TENM4: variants seen among roughly 807,000 people sequenced by gnomAD.
TENM4 encodes the protein teneurin transmembrane protein 4.
Under a neutral mutation model 243.3 loss-of-function variants are expected in TENM4, and 82 were observed. The observed-to-expected ratio is 0.34, with a 90% confidence interval of 0.28 to 0.40. TENM4 has a LOEUF of 0.40. Among genes scored for constraint, TENM4 ranks in the 10% least tolerant of loss-of-function variants. TENM4 has a pLI of 1.00. For synonymous variants in TENM4, 1,412 were observed against 1,456.3 expected (o/e 0.97, Z 0.69); for missense variants, 3,138 against 3,673.3 (o/e 0.85, Z 3.77).
At chr11:79,265,070 C>T (rs1855860910) in intron 2 of TENM4, among the ~76,000 whole-genome samples, 1 of 152,148 alleles carries the variant, frequency 6.6e-6, no homozygotes, top group Non-Finnish European at 1.5e-5. Context: ...AGATACAGTA[C>T]AGGAAAAATC....
rs1241061950 is a variant in TENM4 at position 79,438,008 on chromosome 11, T to A, written c.-321+2501A>T. 1.3e-5 allele frequency among the ~76,000 whole-genome samples: 2 copies of A among 152,094 alleles called. No homozygotes were observed. The highest frequency in any genetic ancestry group is 4.8e-5 in the African/African-American group (2 of 41,408). On this transcript the variant is annotated intron_variant, in intron 1 of 33. Coordinates refer to ENST00000278550, the MANE Select transcript of TENM4 (RefSeq NM_001098816.3). This position sits in a 1 kb window ranked among gnomAD's most constrained non-coding sequence, Gnocchi z 4.1. ...CAGGAAATCCGAAGGGCCCCACAGG[T>A]CTGCGGGAGGGAGGATTTATTTTAC...
At chr11:78,805,574 T>C in intron 14 of TENM4, 82 bp from the exon 15 acceptor site, 1 of 1,481,950 alleles carries the variant, frequency 6.7e-7, no homozygotes, top group Non-Finnish European at 9.1e-7. Flanking sequence ...CTTAGCTTTG[T>C]GGCCAAGGGG....
At chr11:78,879,468 A>G (rs1316138553) in intron 9 of TENM4, among the ~76,000 whole-genome samples, 1 of 11,208 alleles carries the variant, frequency 8.9e-5, no homozygotes, top group African/African-American at 5.0e-4. Flanking sequence ...CGGCCGCCAC[A>G]CCGTCTGGGA....
At chr11:79,245,043 A>T (rs1855488357) in intron 2 of TENM4, among the ~76,000 whole-genome samples, 1 of 152,200 alleles carries the variant, frequency 6.6e-6, no homozygotes, top group Non-Finnish European at 1.5e-5. Flanking sequence ...ACAGCCCTTT[A>T]TCTTTGTCAC....
At chr11:79,106,169 A>G (rs1268705005) in intron 4 of TENM4, among the ~76,000 whole-genome samples, 2 of 152,238 alleles carry the variant, frequency 1.3e-5, no homozygotes, top group African/African-American at 4.8e-5. Flanking sequence ...TATTTGCTCC[A>G]AGTCACAGAG....
chr11:79,158,899 T>C (rs1862680851), intron 3 of TENM4, among the ~76,000 whole-genome samples: 2 of 152,124 alleles, frequency 1.3e-5, no homozygotes, highest in African/African-American at 4.8e-5. Flanking sequence ...CCTCAGACCA[T>C]CACCTCTATT....
At chr11:78,974,156 G>A (rs1339991975) in intron 6 of TENM4, among the ~76,000 whole-genome samples, 1 of 152,198 alleles carries the variant, frequency 6.6e-6, no homozygotes, top group Non-Finnish European at 1.5e-5. Context: ...CCCTGAGGGT[G>A]GGGACTGGTT....
At chr11:78,753,212 C>T (rs1233514941) in intron 19 of TENM4, among the ~76,000 whole-genome samples, 4 of 152,178 alleles carry the variant, frequency 2.6e-5, no homozygotes, top group Admixed American at 1.3e-4. Flanking sequence ...TACTGATCAC[C>T]TAATATGTAC....
At chr11:79,228,089 A>T (rs971582238) in intron 2 of TENM4, among the ~76,000 whole-genome samples, 1 of 152,220 alleles carries the variant, frequency 6.6e-6, no homozygotes, top group Admixed American at 6.5e-5. Context: ...TTGGATGTGA[A>T]AAAAAGTATC....
chr11:79,202,847 G>A (rs1863771400), intron 3 of TENM4, among the ~76,000 whole-genome samples: 1 of 152,182 alleles, frequency 6.6e-6, no homozygotes, highest in Non-Finnish European at 1.5e-5. Flanking sequence ...ATGGACTAGA[G>A]GAGGCCCATA....
chr11:78,957,220 T>C (rs775011942), intron 6 of TENM4, among the ~76,000 whole-genome samples: 1 of 152,180 alleles, frequency 6.6e-6, no homozygotes, highest in Non-Finnish European at 1.5e-5. Context: ...GTGAACAACA[T>C]TGCTGAAAAC....
chr11:79,171,701 T>C (rs1863044974), intron 3 of TENM4, among the ~76,000 whole-genome samples: 1 of 152,234 alleles, frequency 6.6e-6, no homozygotes, highest in Non-Finnish European at 1.5e-5. Flanking sequence ...ATTTATCTTA[T>C]CCATTTATTG....
intron 6 of TENM4, among the ~76,000 whole-genome samples, chr11:78,969,274 G>A (rs1378369875): frequency 6.6e-6 from 1 of 152,212 alleles, no homozygotes; most frequent in East Asian, 1.9e-4. Context: ...AAGGGGCAAT[G>A]TGTTAGGGAA....
At chr11:79,396,319 C>T (rs1205877284) in intron 1 of TENM4, among the ~76,000 whole-genome samples, 3 of 152,178 alleles carry the variant, frequency 2.0e-5, no homozygotes. Context: ...TTCTTTGTAT[C>T]ATGCTTTATA....
chr11:79,062,835 T>C (rs1860136541), intron 6 of TENM4, among the ~76,000 whole-genome samples: 1 of 152,148 alleles, frequency 6.6e-6, no homozygotes, highest in Admixed American at 6.5e-5. Flanking sequence ...TGCCCTTCAA[T>C]TTAATGCTCA....
At chr11:79,158,654 T>G (rs1862675815) in intron 3 of TENM4, among the ~76,000 whole-genome samples, 2 of 152,216 alleles carry the variant, frequency 1.3e-5, no homozygotes, top group African/African-American at 4.8e-5. Flanking sequence ...CTTCTGAAAT[T>G]GATTCTACAC....
chr11:78,930,994 A>G (rs1856657162), intron 6 of TENM4, among the ~76,000 whole-genome samples: 1 of 152,216 alleles, frequency 6.6e-6, no homozygotes, highest in South Asian at 2.1e-4. Flanking sequence ...TTGAGAATCC[A>G]CAGGGCCTCA....
chr11:79,229,082 C>T (rs1864328507), intron 2 of TENM4, among the ~76,000 whole-genome samples: 1 of 152,140 alleles, frequency 6.6e-6, no homozygotes, highest in African/African-American at 2.4e-5. Flanking sequence ...TAGGATGCCC[C>T]ACTATTGGAA....
At position 78,669,315 on chromosome 11, in the gene TENM4, G is replaced by A. The variant is rs1244294719; in HGVS notation, c.7030C>T (p.His2344Tyr). The A allele has an allele frequency of 6.2e-7, 1 of 1,613,956 alleles. No homozygotes were observed. The highest frequency in any genetic ancestry group is 8.5e-7 in the Non-Finnish European group (1 of 1,179,860). The part of the protein sequence containing the change: ...ITSLYYDLQG[H>Y]LFAMELSSGD... ...CTGCTCAGCTCCATGGCAAAGAGGT[G>A]TCCTTGCAAGTCGTAGTAGAGGGAG... The change falls in exon 32 of 34, where the codon CAC becomes TAC. Residue 2344 changes from histidine to tyrosine, a missense_variant. Around this residue, in one of 2 missense-constraint regions of TENM4, gnomAD observed 2,467 missense variants for 3,059.1 expected, o/e 0.81. Coordinates refer to ENST00000278550, the MANE Select transcript of TENM4 (RefSeq NM_001098816.3). This position sits in a 1 kb window ranked among gnomAD's most constrained non-coding sequence, Gnocchi z 6.4.
Sources: gnomAD v4.1 joint callset for allele counts (sites outside exome capture counted in the v4.1 genomes callset) on GRCh38, gnomAD v4.1.1 for gene constraint, gnomAD v4.1.1 regional missense constraint, Gnocchi (gnomAD v3.1) non-coding constraint, MANE v1.5 for transcripts, NCBI Gene and HGNC (gene_info 2026-07-23, HGNC 2026-07-21) for gene names.